PRKAA1: variants seen among roughly 807,000 people sequenced by gnomAD.
PRKAA1 encodes the protein 5'-AMP-activated protein kinase catalytic subunit alpha-1.
Under a neutral mutation model 56.9 loss-of-function variants are expected in PRKAA1, and 23 were observed. The ratio of observed to expected loss-of-function variants is 0.40; its 90% CI spans 0.29 to 0.57. The LOEUF (loss-of-function observed/expected upper bound fraction) is 0.57. Ranked by LOEUF, PRKAA1 falls within the 20% of genes least tolerant of loss-of-function variation. PRKAA1 has a pLI of 0.39. For synonymous variants in PRKAA1, 226 were observed against 227.0 expected, an observed-to-expected ratio of 1.00 and a Z score of 0.04; for missense variants, 413 against 679.7, an observed-to-expected ratio of 0.61 and a Z score of 4.36.
chr5:40,785,976 TG>T (rs1225398314), intron 1 of PRKAA1, among the ~76,000 whole-genome samples: 5 of 151,862 alleles, frequency 3.3e-5, no homozygotes, highest in African/African-American at 1.2e-4. Flanking sequence ...GAAAGAGGGC[TG>T]GGCACGGTGG....
intron 2 of PRKAA1, among the ~76,000 whole-genome samples, chr5:40,776,864 AG>A (rs1298577721): frequency 2.0e-5 from 3 of 152,222 alleles, no homozygotes; most frequent in Non-Finnish European, 4.4e-5. Context: ...TTGGTTTTAC[AG>A]CAATGGGGCA....
chr5:40,777,421 AT>A (rs768151319), intron 2 of PRKAA1, 23 bp downstream of exon 2: 15 of 1,559,728 alleles, frequency 9.6e-6, no homozygotes, highest in Non-Finnish European at 1.1e-5. Context: ...TGACTGGACT[AT>A]ATTTAATATA....
At chr5:40,767,246 A>G (rs926316054) in intron 6 of PRKAA1, among the ~76,000 whole-genome samples, 5 of 151,882 alleles carry the variant, frequency 3.3e-5, no homozygotes, top group African/African-American at 1.2e-4. Flanking sequence ...ATGTGTAAGT[A>G]AAAAGTGAAA....
chr5:40,777,240 T>C (rs1744051891), intron 2 of PRKAA1: 4 of 409,740 alleles, frequency 9.8e-6, no homozygotes, highest in Non-Finnish European at 1.7e-5. Flanking sequence ...CTCGAACTCC[T>C]GACCTCAGGT....
In PRKAA1 at chr5:40,765,743, A is replaced by C. The variant is rs762783997; in HGVS notation, c.822-505T>G. On this transcript the variant is annotated intron_variant, in intron 6 of 8. Coordinates refer to ENST00000397128, the MANE Select transcript of PRKAA1 (RefSeq NM_006251.6). ...ATATCTCTTTGTTTTAAATGAAGGA[A>C]TTGAGGTTAAAAAAAAAATCAAGGA... 1.2e-4 allele frequency among the ~76,000 whole-genome samples: 9 copies of C among 76,564 alleles called. No individual in the cohort carries two copies. In the Admixed American group the frequency reaches 1.4e-3, roughly 12 times the overall value. 50.2% of individuals were successfully genotyped at this position (76,564 alleles called of 152,430 possible).
chr5:40,779,988 T>C (rs1222553546), intron 1 of PRKAA1, among the ~76,000 whole-genome samples: 1 of 152,148 alleles, frequency 6.6e-6, no homozygotes, highest in East Asian at 1.9e-4. Flanking sequence ...ATAAAATACA[T>C]AGCATAGCAA....
intron 5 of PRKAA1, chr5:40,768,999 T>C: frequency 3.4e-6 from 4 of 1,161,292 alleles, no homozygotes; most frequent in Non-Finnish European, 3.7e-6. Context: ...TTCAGCCCAG[T>C]TCCCCAAGAC....
chr5:40,767,393 C>T, intron 6 of PRKAA1, 73 bp downstream of exon 6: 2 of 1,323,850 alleles, frequency 1.5e-6, no homozygotes, highest in Admixed American at 2.1e-5. Flanking sequence ...TTCTGTTCTG[C>T]AACTTTTTTT....
At chr5:40,797,892 C>A (rs1376008534) in intron 1 of PRKAA1, among the ~76,000 whole-genome samples, 171 bp downstream of exon 1, 2 of 151,910 alleles carry the variant, frequency 1.3e-5, no homozygotes, top group African/African-American at 4.8e-5. Flanking sequence ...CCTGTGCTGG[C>A]CGCGCCGCAG....
intron 1 of PRKAA1, among the ~76,000 whole-genome samples, chr5:40,797,707 C>T (rs1405333940): frequency 3.3e-5 from 5 of 152,214 alleles, no homozygotes; most frequent in African/African-American, 1.2e-4. Context: ...TGCCGCCTCC[C>T]CGGGGATCGC....
At chr5:40,788,708 TC>T (rs1238877356) in intron 1 of PRKAA1, among the ~76,000 whole-genome samples, 9 of 152,222 alleles carry the variant, frequency 5.9e-5, no homozygotes, top group African/African-American at 2.2e-4. Flanking sequence ...ACACCTGTAG[TC>T]CCAGCTACTC....
In PRKAA1 at chr5:40,767,025, AT is replaced by A. The variant is rs200184191; in HGVS notation, c.821+440del. ...AGAGCAAAACCTTGTCTCAAAAAAA[AT>A]AAATAAATAAAAATAAAAGATATAC... On this transcript the variant is annotated intron_variant, in intron 6 of 8. Transcript: ENST00000397128. Among the ~76,000 whole-genome samples, 984 of 152,110 alleles carry A rather than the reference AT, an allele frequency of 6.5e-3. 7 individuals carry two copies. Among genetic ancestry groups the A allele is most frequent in the African/African-American group, 0.021 (871 of 41,488 alleles).
chr5:40,779,646 T>TAACAGACAACCTGAATC (rs1468088492), intron 1 of PRKAA1, among the ~76,000 whole-genome samples: 2 of 152,158 alleles, frequency 1.3e-5, no homozygotes, highest in Non-Finnish European at 2.9e-5. Context: ...TCATCTGAAA[T>TAACAGACAACCTGAATC]ACCAGACAAC....
chr5:40,789,164 T>C (rs990968853), intron 1 of PRKAA1, among the ~76,000 whole-genome samples: 1 of 151,810 alleles, frequency 6.6e-6, no homozygotes, highest in African/African-American at 2.4e-5. Flanking sequence ...TGAGCCATGA[T>C]CATGCCACTG....
intron 1 of PRKAA1, among the ~76,000 whole-genome samples, chr5:40,780,649 G>C (rs1744230308): frequency 6.6e-6 from 1 of 152,242 alleles, no homozygotes; most frequent in Non-Finnish European, 1.5e-5. Context: ...GAAAGCCCAG[G>C]ACCCAGGGGG....
At chr5:40,777,734 A>C in intron 1 of PRKAA1, 148 bp from the exon 2 acceptor site, 1 of 668,590 alleles carries the variant, frequency 1.5e-6, no homozygotes, top group Non-Finnish European at 2.3e-6. Flanking sequence ...AGGAGTTCGA[A>C]ACCAATCTGG....
At chr5:40,797,463 T>C (rs1744975317) in intron 1 of PRKAA1, among the ~76,000 whole-genome samples, 2 of 152,164 alleles carry the variant, frequency 1.3e-5, no homozygotes, top group South Asian at 4.1e-4. Flanking sequence ...ACTCATTAAC[T>C]GCTCCGAAGG....
chr5:40,785,839 C>CACAG (rs1331032628), intron 1 of PRKAA1, among the ~76,000 whole-genome samples: 5 of 58,480 alleles, frequency 8.5e-5, no homozygotes, highest in East Asian at 8.3e-4. Context: ...CACACACACA[C>CACAG]AGAGAGAGAG....
At chr5:40,787,899 G>T (rs1461388947) in intron 1 of PRKAA1, among the ~76,000 whole-genome samples, 1 of 152,042 alleles carries the variant, frequency 6.6e-6, no homozygotes, top group East Asian at 1.9e-4. Flanking sequence ...GGCATAGAGT[G>T]GCTAAATGGA....
Sources: allele counts gnomAD v4.1 joint callset (sites outside exome capture counted in the v4.1 genomes callset), GRCh38; gene constraint gnomAD v4.1.1; transcripts MANE v1.5; gene names NCBI Gene and HGNC (gene_info 2026-07-23, HGNC 2026-07-21).